Variants in SMOC2 observed in about 807,000 individuals in gnomAD.
SMOC2 encodes the protein SPARC-related modular calcium-binding protein 2.
SMOC2 carries 39 observed loss-of-function variants against 61.4 expected under a neutral mutation model. That is an observed-to-expected ratio of 0.64 (90% CI 0.49 to 0.83). The LOEUF is 0.83. Among genes scored for constraint, SMOC2 ranks in the 40% least tolerant of loss-of-function variants. The probability of loss-of-function intolerance (pLI) is 0.00; values close to 1 mark genes in which losing one functional copy is unlikely to be tolerated. For missense variants in SMOC2, 556 were observed against 592.9 expected (o/e 0.94, Z 0.65); for synonymous variants, 247 against 239.9 (o/e 1.03, Z -0.27).
At chr6:168,448,994 A>C (rs1312498080) in intron 1 of SMOC2, among the ~76,000 whole-genome samples, 1 of 152,154 alleles carries the variant, frequency 6.6e-6, no homozygotes, top group Non-Finnish European at 1.5e-5. Flanking sequence ...TGTGCCACTC[A>C]AAATCTAACC....
In SMOC2 at chr6:168,592,318, GGGCGTCTTTCTAGAGGATCTCC is replaced by G. The variant is rs879507166; in HGVS notation, c.638-6498_638-6477del. 5.3e-4 allele frequency among the ~76,000 whole-genome samples: 73 copies of G among 136,814 alleles called. 14 individuals are homozygous for G. Among genetic ancestry groups the G allele is most frequent in the South Asian group, 1.0e-3 (4 of 3,996 alleles). 89.8% of individuals were successfully genotyped at this position (136,814 alleles called of 152,430 possible). A position where few individuals can be genotyped will look rare whatever the true frequency, so the allele number is the denominator to read the frequency against. On this transcript the variant is annotated intron_variant, in intron 7 of 12. Coordinates refer to ENST00000356284, the MANE Select transcript of SMOC2 (RefSeq NM_001166412.2). The stretch of plus-strand genomic sequence containing the variant: ...CTCCTCCTCCTCCCTGAGGCCTCAC[GGGCGTCTTTCTAGAGGATCTCC>G]GAGCTCCTCCTCCTTCCTGAGGCCT...
intron 2 of SMOC2, among the ~76,000 whole-genome samples, chr6:168,518,511 GTAAA>G (rs1783210221): frequency 6.6e-6 from 1 of 151,522 alleles, no homozygotes; most frequent in Non-Finnish European, 1.5e-5. Flanking sequence ...GTGAATGTGT[GTAAA>G]TGTGCATGTG....
intron 9 of SMOC2, among the ~76,000 whole-genome samples, chr6:168,637,605 C>T (rs1329304638): frequency 1.3e-5 from 2 of 152,150 alleles, no homozygotes; most frequent in East Asian, 1.9e-4. Flanking sequence ...TTTTCCTTTG[C>T]GAGGAACATT....
chr6:168,455,403 G>GT (rs2114997446), intron 1 of SMOC2, among the ~76,000 whole-genome samples: 1 of 152,342 alleles, frequency 6.6e-6, no homozygotes, highest in Admixed American at 6.5e-5. Flanking sequence ...GGGGCAGGAA[G>GT]GACGCTGGCT....
At chr6:168,496,067 C>T (rs1430642572) in intron 1 of SMOC2, among the ~76,000 whole-genome samples, 1 of 152,224 alleles carries the variant, frequency 6.6e-6, no homozygotes, top group Non-Finnish European at 1.5e-5. Context: ...GCTTCTCATC[C>T]TCCTGTAATT....
rs180923581 is a variant in SMOC2 at position 168,475,670 on chromosome 6, C to T, written c.84+34216C>T. On this transcript the variant is annotated intron_variant, in intron 1 of 12. Coordinates refer to ENST00000356284, the MANE Select transcript of SMOC2 (RefSeq NM_001166412.2). This position sits in a 1 kb window ranked among gnomAD's most constrained non-coding sequence, Gnocchi z 4.6. The stretch of plus-strand genomic sequence containing the variant: ...CGAGAACTGAGACCTGCTTCCCACG[C>T]GTCTGTGGCCCAGGGAGGCCACGTG... 7.0e-3 allele frequency among the ~76,000 whole-genome samples: 1,066 copies of T among 152,218 alleles called. 18 individuals carry two copies. The highest frequency in any genetic ancestry group is 9.1e-3 in the Non-Finnish European group (618 of 67,982).
At chr6:168,497,685 C>T (rs1459549210) in intron 1 of SMOC2, among the ~76,000 whole-genome samples, 1 of 152,172 alleles carries the variant, frequency 6.6e-6, no homozygotes, top group Non-Finnish European at 1.5e-5. Context: ...TCAGGAAAAC[C>T]TGGCTCAGAT....
intron 9 of SMOC2, among the ~76,000 whole-genome samples, chr6:168,629,262 C>T (rs1336464936): frequency 6.6e-6 from 1 of 152,258 alleles, no homozygotes; most frequent in East Asian, 1.9e-4. Flanking sequence ...GGGTCTCCGA[C>T]AGGTCCTCAT....
At chr6:168,518,453 ATG>A (rs34338952) in intron 2 of SMOC2, among the ~76,000 whole-genome samples, 74,672 of 148,446 alleles carry the variant, frequency 0.5, 21,772 homozygotes, top group Non-Finnish European at 0.67. Context: ...GAATGTGTGA[ATG>A]TGTGTATTCA....
chr6:168,537,268 G>A (rs1176863468), intron 4 of SMOC2, among the ~76,000 whole-genome samples: 4 of 152,090 alleles, frequency 2.6e-5, no homozygotes, highest in Non-Finnish European at 5.9e-5. Context: ...TCTGCAGGCT[G>A]TGAGAAGACT....
At chr6:168,510,503 G>T (rs1782981193) in intron 2 of SMOC2, among the ~76,000 whole-genome samples, 3 of 152,190 alleles carry the variant, frequency 2.0e-5, no homozygotes, top group Admixed American at 6.5e-5. Context: ...ATTAGATTCA[G>T]AGTTAAGAGT....
Position 168,608,034 on chromosome 6 carries a change from G to GCATCATA in SMOC2, c.825-118_825-117insTACATCA, listed in dbSNP as rs533705108. The GCATCATA allele has an allele frequency of 5.0e-4, 406 of 807,740 alleles. 3 individuals carry two copies. The African/African-American group carries it at 6.2e-3, about 12-fold the overall frequency. The allele number at this position is 807,740 out of a possible 1,614,324, so 50.0% of individuals were successfully genotyped here. A position where few individuals can be genotyped will look rare whatever the true frequency, so the allele number is the denominator to read the frequency against. ...GAGTGAGGAGGTCATGGGTGTCATA[G>GCATCATA]CATCAGAGCCACAGGTCACGGTGTA... On this transcript the variant is annotated intron_variant, in intron 8 of 12. Coordinates refer to ENST00000356284, the MANE Select transcript of SMOC2 (RefSeq NM_001166412.2).
In SMOC2 at chr6:168,544,196, A is replaced by G. The variant is rs1022874893; in HGVS notation, c.511+524A>G. 1.3e-5 allele frequency among the ~76,000 whole-genome samples: 2 copies of G among 152,092 alleles called. No individual in the cohort carries two copies. The highest frequency in any genetic ancestry group is 2.4e-5 in the African/African-American group (1 of 41,414). ...TTTCGGGGTCTGCGGGGTCTGTCAC[A>G]TGCCCACCATGACCCCCCTGGGAAA... On this transcript the variant is annotated intron_variant, in intron 5 of 12. Coordinates refer to ENST00000356284, the MANE Select transcript of SMOC2 (RefSeq NM_001166412.2). This position sits in a 1 kb window ranked among gnomAD's most constrained non-coding sequence, Gnocchi z 4.1.
rs369157636 is a variant in SMOC2 at position 168,666,453 on chromosome 6, G to A, written c.*15G>A. ...AACAAGGATAAATGGCTCATACCCC[G>A]AAGGCAGTTCCTAGACACATGGGAA... On this transcript the variant is annotated 3_prime_UTR_variant, in exon 13 of 13. Coordinates refer to ENST00000356284, the MANE Select transcript of SMOC2 (RefSeq NM_001166412.2). 1.2e-5 allele frequency: 20 copies of A among 1,613,592 alleles called. No homozygotes were observed. The East Asian group carries it at 1.3e-4, about 11-fold the overall frequency.
chr6:168,456,355 G>A (rs1260036873), intron 1 of SMOC2, among the ~76,000 whole-genome samples: 1 of 152,224 alleles, frequency 6.6e-6, no homozygotes, highest in Admixed American at 6.5e-5. Flanking sequence ...GGGCTGGCAG[G>A]TGGCCGCGGC....
At chr6:168,599,214 CCACACACACCCATGGT>C (rs1348845577) in intron 8 of SMOC2, among the ~76,000 whole-genome samples, 1 of 140,092 alleles carries the variant, frequency 7.1e-6, no homozygotes, top group African/African-American at 2.7e-5. Flanking sequence ...ACACTCATAC[CCACACACACCCATGGT>C]CTCTCTCACA....
chr6:168,650,799 C>G lies in SMOC2; in HGVS notation c.1010+16C>G, dbSNP rs780534639. 2 of 1,600,498 alleles carry G rather than the reference C, an allele frequency of 1.2e-6. No homozygotes were observed. The highest frequency in any genetic ancestry group is 1.7e-6 in the Non-Finnish European group (2 of 1,175,452). On this transcript the variant is annotated intron_variant, in intron 10 of 12. Coordinates refer to ENST00000356284, the MANE Select transcript of SMOC2 (RefSeq NM_001166412.2). ...CGTCAGGCAGGTACGCTGTGTTCGC[C>G]GTGGGACAACAAGTTGGCAGGGTCC...
chr6:168,472,497 GT>G (rs1210112880), intron 1 of SMOC2, among the ~76,000 whole-genome samples: 2 of 151,966 alleles, frequency 1.3e-5, no homozygotes, highest in African/African-American at 2.4e-5. Flanking sequence ...AACAAAAAAA[GT>G]TTTTTTAAAA....
intron 7 of SMOC2, among the ~76,000 whole-genome samples, chr6:168,597,837 G>C (rs990458046): frequency 1.3e-5 from 2 of 152,216 alleles, no homozygotes; most frequent in Non-Finnish European, 2.9e-5. Context: ...TCTCCCCCCA[G>C]GTGAGGGCCA....
Sources: gnomAD v4.1 joint callset for allele counts (sites outside exome capture counted in the v4.1 genomes callset) on GRCh38, gnomAD v4.1.1 for gene constraint, Gnocchi (gnomAD v3.1) non-coding constraint, MANE v1.5 for transcripts, NCBI Gene and HGNC (gene_info 2026-07-23, HGNC 2026-07-21) for gene names.